The following GNAL variants were observed in gnomAD, a reference collection of about 807,000 sequenced individuals.
The protein encoded by GNAL is guanine nucleotide-binding protein G(olf) subunit alpha.
A neutral mutation model predicts 55.1 loss-of-function variants in GNAL; 18 were observed. That is an observed-to-expected ratio of 0.33 (90% CI 0.23 to 0.48). The LOEUF (loss-of-function observed/expected upper bound fraction) is 0.48. GNAL is among the 20% of genes least tolerant of loss of function. The pLI is 0.99. For synonymous variants in GNAL, 253 were observed against 237.0 expected, an observed-to-expected ratio of 1.07 and a Z score of -0.62; for missense variants, 412 against 614.1, an observed-to-expected ratio of 0.67 and a Z score of 3.48.
At chr18:11,798,263 A>G (rs779483178) in intron 4 of GNAL, among the ~76,000 whole-genome samples, 2 of 152,226 alleles carry the variant, frequency 1.3e-5, no homozygotes, top group Non-Finnish European at 2.9e-5. Context: ...GCGCTATTAA[A>G]TTCTTTTTAA....
At chr18:11,823,737 G>C (rs2035165835) in intron 4 of GNAL, among the ~76,000 whole-genome samples, 1 of 152,210 alleles carries the variant, frequency 6.6e-6, no homozygotes, top group Admixed American at 6.5e-5. Context: ...CGCTGGGACA[G>C]GCCATGGAGC....
chr18:11,734,148 C>CTT (rs545091797), intron 1 of GNAL, among the ~76,000 whole-genome samples: 10 of 137,182 alleles, frequency 7.3e-5, no homozygotes, highest in South Asian at 2.3e-4. Flanking sequence ...TTTTCTTTTT[C>CTT]TTTTTTTTTT....
chr18:11,729,780 C>T (rs1346553434), intron 1 of GNAL, among the ~76,000 whole-genome samples: 2 of 152,112 alleles, frequency 1.3e-5, no homozygotes, highest in African/African-American at 2.4e-5. Context: ...TGTGGCTGCT[C>T]GCGGCTGGCA....
intron 1 of GNAL, among the ~76,000 whole-genome samples, chr18:11,692,747 T>C (rs975358742): frequency 6.7e-6 from 1 of 149,226 alleles, no homozygotes; most frequent in African/African-American, 2.5e-5. Flanking sequence ...TAAAACCCCA[T>C]CTCTACAAAA....
rs367605435 is a variant in GNAL, at chr18:11,742,717, A to G, written c.377-10136A>G. On this transcript the variant is annotated intron_variant, in intron 1 of 11. Coordinates refer to ENST00000334049, the MANE Select transcript of GNAL (RefSeq NM_182978.4). ...CACCTTAAATGTGCGCCTTCCCTCCATGTGGTCCGACCCCACCACTCCTCA... is the reference window on the plus strand; with the variant it reads ...CACCTTAAATGTGCGCCTTCCCTCCGTGTGGTCCGACCCCACCACTCCTCA... 3.3e-5 allele frequency among the ~76,000 whole-genome samples: 5 copies of G among 152,126 alleles called. No homozygotes were observed. The East Asian group carries it at 7.7e-4, about 23-fold the overall frequency.
intron 4 of GNAL, among the ~76,000 whole-genome samples, chr18:11,783,499 TC>T (rs1439760312): frequency 6.6e-6 from 1 of 152,220 alleles, no homozygotes; most frequent in African/African-American, 2.4e-5. Flanking sequence ...TCTACTAATC[TC>T]ACCGTGATGG....
chr18:11,808,252 C>T (rs2034717102), intron 4 of GNAL, among the ~76,000 whole-genome samples: 1 of 152,152 alleles, frequency 6.6e-6, no homozygotes, highest in Admixed American at 6.5e-5. Flanking sequence ...AAGAGCGCCT[C>T]TGCCCGTTTT....
chr18:11,721,886 CAAAAAATA>C (rs2032101718), intron 1 of GNAL, among the ~76,000 whole-genome samples: 1 of 134,998 alleles, frequency 7.4e-6, no homozygotes, highest in Non-Finnish European at 1.6e-5. Flanking sequence ...AACTCTGTCT[CAAAAAATA>C]AATAAATAAA....
chr18:11,809,365 G>A (rs1335790155), intron 4 of GNAL, among the ~76,000 whole-genome samples: 1 of 152,158 alleles, frequency 6.6e-6, no homozygotes, highest in African/African-American at 2.4e-5. Context: ...TTCCAAAATT[G>A]ATGGTGGTGA....
intron 1 of GNAL, among the ~76,000 whole-genome samples, chr18:11,738,781 G>A (rs990266553): frequency 1.1e-4 from 16 of 152,052 alleles, no homozygotes; most frequent in African/African-American, 3.6e-4. Flanking sequence ...TATTCCCCAG[G>A]GTAAAGGAGG....
At chr18:11,709,330 T>TTA (rs147876689) in intron 1 of GNAL, among the ~76,000 whole-genome samples, 2 of 138,364 alleles carry the variant, frequency 1.4e-5, no homozygotes, top group African/African-American at 2.7e-5. Flanking sequence ...TCTATTTTTG[T>TTA]AAAAAAAAAA....
At chr18:11,826,096 G>T (rs979601164) in intron 5 of GNAL, among the ~76,000 whole-genome samples, 1 of 152,162 alleles carries the variant, frequency 6.6e-6, no homozygotes, top group African/African-American at 2.4e-5. Flanking sequence ...TGTGAATGTT[G>T]ATTTCCAGGA....
intron 5 of GNAL, among the ~76,000 whole-genome samples, chr18:11,832,528 C>G (rs1042626384): frequency 4.6e-5 from 7 of 152,118 alleles, no homozygotes; most frequent in African/African-American, 1.7e-4. Context: ...AATGAAATTT[C>G]AACTTCAAAG....
At chr18:11,855,044 C>G (rs548650055) in intron 5 of GNAL, among the ~76,000 whole-genome samples, 90 of 115,452 alleles carry the variant, frequency 7.8e-4, no homozygotes, top group Middle Eastern at 5.0e-3. Flanking sequence ...CCTCAGCCCC[C>G]TGAGTAGCTG....
chr18:11,717,267 C>T (rs2031993512), intron 1 of GNAL, among the ~76,000 whole-genome samples: 1 of 152,210 alleles, frequency 6.6e-6, no homozygotes, highest in Non-Finnish European at 1.5e-5. Context: ...CCCCCGGCAC[C>T]TCTCCCTCCC....
At chr18:11,803,316 G>T (rs1280243304) in intron 4 of GNAL, among the ~76,000 whole-genome samples, 1 of 152,188 alleles carries the variant, frequency 6.6e-6, no homozygotes, top group Non-Finnish European at 1.5e-5. Flanking sequence ...GAATCATCCA[G>T]TATTCGTCCT....
intron 1 of GNAL, among the ~76,000 whole-genome samples, chr18:11,707,331 G>T (rs1171883241): frequency 6.6e-6 from 1 of 152,204 alleles, no homozygotes; most frequent in Non-Finnish European, 1.5e-5. Flanking sequence ...ATGTTAACAG[G>T]CATGAAAACA....
At chr18:11,818,321 G>A (rs887134309) in intron 4 of GNAL, among the ~76,000 whole-genome samples, 4 of 152,102 alleles carry the variant, frequency 2.6e-5, no homozygotes, top group Non-Finnish European at 5.9e-5. Context: ...AAGAAACAAC[G>A]GATACCTACT....
chr18:11,860,767 C>T (rs1336701029), intron 5 of GNAL, among the ~76,000 whole-genome samples: 2 of 152,126 alleles, frequency 1.3e-5, no homozygotes, highest in Admixed American at 1.3e-4. Context: ...AGGGTGGACT[C>T]CGAACCCCTG....
Sources: allele counts gnomAD v4.1 joint callset (sites outside exome capture counted in the v4.1 genomes callset), GRCh38; gene constraint gnomAD v4.1.1; transcripts MANE v1.5; gene names NCBI Gene and HGNC (gene_info 2026-07-23, HGNC 2026-07-21).